The following SGCG variants were observed in gnomAD, a reference collection of about 807,000 sequenced individuals.
SGCG encodes gamma-sarcoglycan.
Under a neutral mutation model 29.3 loss-of-function variants are expected in SGCG, and 26 were observed. The ratio of observed to expected loss-of-function variants is 0.89; its 90% confidence interval spans 0.65 to 1.23. The LOEUF is 1.23. Among genes scored for constraint, SGCG ranks in the 50% most tolerant of loss-of-function variants. SGCG has a pLI of 0.00. For missense variants in SGCG, 353 were observed against 356.0 expected (o/e 0.99, Z 0.07); for synonymous variants, 145 against 129.7 (o/e 1.12, Z -0.80).
At chr13:23,320,542 C>G in intron 6 of SGCG, 95 bp from the exon 7 acceptor site, 2 of 1,010,800 alleles carry the variant, frequency 2.0e-6, no homozygotes, top group Non-Finnish European at 3.0e-6. Context: ...ACATATCTTA[C>G]TAGTTATATT....
intron 6 of SGCG, among the ~76,000 whole-genome samples, chr13:23,311,766 A>G (rs1451168412): frequency 6.6e-6 from 1 of 152,222 alleles, no homozygotes; most frequent in African/African-American, 2.4e-5. Flanking sequence ...CACTTTCAAC[A>G]TATTTTCAGT....
At chr13:23,222,696 C>T (rs1032076845) in intron 2 of SGCG, among the ~76,000 whole-genome samples, 13 of 151,832 alleles carry the variant, frequency 8.6e-5, no homozygotes, top group African/African-American at 2.9e-4. Flanking sequence ...GCGTAGATGG[C>T]GTGTGCCTGT....
intron 4 of SGCG, among the ~76,000 whole-genome samples, chr13:23,251,344 C>G (rs943317792): frequency 6.6e-6 from 1 of 152,222 alleles, no homozygotes; most frequent in Non-Finnish European, 1.5e-5. Context: ...TTGGGTCAGT[C>G]AGCTATGTAC....
At chr13:23,265,583 A>C (rs1880606964) in intron 4 of SGCG, among the ~76,000 whole-genome samples, 1 of 152,202 alleles carries the variant, frequency 6.6e-6, no homozygotes, top group Non-Finnish European at 1.5e-5. Context: ...TCTCAAAAAA[A>C]ATAAATAAAT....
At chr13:23,254,296 G>T (rs1388064896) in intron 4 of SGCG, among the ~76,000 whole-genome samples, 1 of 152,178 alleles carries the variant, frequency 6.6e-6, no homozygotes. Flanking sequence ...AGATGGAAAT[G>T]AGGACGTTAT....
chr13:23,295,619 C>G, intron 6 of SGCG, 132 bp downstream of exon 6: 1 of 742,118 alleles, frequency 1.3e-6, no homozygotes, highest in Non-Finnish European at 2.4e-6. Flanking sequence ...TCAAGACTTT[C>G]CGCTTATAAC....
At chr13:23,168,012 C>T in the SGCG span, among the ~76,000 whole-genome samples, 34 of 152,194 alleles carry the variant, frequency 2.2e-4, no homozygotes, top group Non-Finnish European at 3.5e-4. Flanking sequence ...GCTGAGATTA[C>T]AGGCATGAGT....
chr13:23,177,568 C>CTTTTTTT (rs71100158), upstream of SGCG, among the ~76,000 whole-genome samples: 7 of 76,384 alleles, frequency 9.2e-5, 1 homozygote, highest in African/African-American at 1.2e-4. Flanking sequence ...TGTGAGCAGG[C>CTTTTTTT]TTTTTTTTTT....
At chr13:23,267,866 A>T (rs1427730443) in intron 4 of SGCG, 1 of 152,258 alleles carries the variant, frequency 6.6e-6, no homozygotes, top group Non-Finnish European at 1.5e-5. Flanking sequence ...GCAACTCAGG[A>T]TCTGAGTATG....
chr13:23,294,818 T>G (rs1172600554), intron 5 of SGCG, among the ~76,000 whole-genome samples: 1 of 152,212 alleles, frequency 6.6e-6, no homozygotes, highest in East Asian at 1.9e-4. Context: ...GGTCTGAGTA[T>G]TAAACAAGTT....
chr13:23,210,032 C>G lies in SGCG; in HGVS notation c.195+6143C>G, dbSNP rs149513888. 9.6e-3 allele frequency among the ~76,000 whole-genome samples: 1,467 copies of G among 152,232 alleles called. 24 individuals carry two copies. The highest frequency in any genetic ancestry group is 0.033 in the African/African-American group (1,367 of 41,548). ...GTACCTGATGACCCATACTCTTGAC[C>G]ATTTATTAACAGAGAAATGGTTAGC... is the stretch of plus-strand genomic sequence containing the variant. On this transcript the variant is annotated intron_variant, in intron 2 of 7. Coordinates refer to ENST00000218867, the MANE Select transcript of SGCG (RefSeq NM_000231.3).
chr13:23,212,637 C>T (rs569354807), intron 2 of SGCG, among the ~76,000 whole-genome samples: 1 of 152,184 alleles, frequency 6.6e-6, no homozygotes, highest in Admixed American at 6.5e-5. Flanking sequence ...AACTGAACCC[C>T]TCAAAGGCAA....
intron 2 of SGCG, among the ~76,000 whole-genome samples, chr13:23,229,325 G>T (rs567646184): frequency 2.0e-5 from 3 of 152,198 alleles, no homozygotes; most frequent in Non-Finnish European, 4.4e-5. Flanking sequence ...GTAATGGGAG[G>T]ATTGCTGGGC....
At chr13:23,209,297 T>A (rs962229630) in intron 2 of SGCG, among the ~76,000 whole-genome samples, 2 of 152,186 alleles carry the variant, frequency 1.3e-5, no homozygotes, top group African/African-American at 4.8e-5. Context: ...TAAAATTAAT[T>A]CATTTTGGAA....
At position 23,203,836 on chromosome 13, in the gene SGCG, G is replaced by C. The variant is rs369936288; in HGVS notation, c.142G>C (p.Val48Leu). 2 of 1,614,000 alleles carry C rather than the reference G, an allele frequency of 1.2e-6. No individual in the cohort carries two copies. Among genetic ancestry groups the C allele is most frequent in the Middle Eastern group, 3.3e-4 (2 of 6,062 alleles). Residue 48 changes from valine (V) to leucine (L), a missense_variant, in exon 2 of 8, where the codon GTT becomes CTT. By Grantham distance (32) the Val-to-Leu change is conservative (BLOSUM62 1). Transcript: ENST00000218867. ...LFVLLLLIILVVNLALTIWIL... is the reference protein window; with the variant it reads ...LFVLLLLIILLVNLALTIWIL... ...TGTTCTTCTTTTACTCATCATCCTCGTTGTGAATTTAGCTCTTACAATTTG... is the reference window on the plus strand; with the variant it reads ...TGTTCTTCTTTTACTCATCATCCTCCTTGTGAATTTAGCTCTTACAATTTG...
intron 3 of SGCG, among the ~76,000 whole-genome samples, chr13:23,247,384 T>C (rs1050634075): frequency 6.6e-6 from 1 of 152,104 alleles, no homozygotes. Context: ...TGGGGTACAA[T>C]GGGATGGGAG....
intron 3 of SGCG, among the ~76,000 whole-genome samples, chr13:23,240,071 C>T (rs990406209): frequency 6.6e-6 from 1 of 152,054 alleles, no homozygotes; most frequent in East Asian, 1.9e-4. Context: ...TAGAAGAAAC[C>T]TACCTTAATT....
chr13:23,276,431 C>CTTTTT lies in SGCG; in HGVS notation c.386-2913_386-2909dup, dbSNP rs71100165. ...CATGAACGCTTTCTTTTTTAGTTTTCTTTTTTTTTTTTTTTTTTTGAGACA... is the reference window on the plus strand; with the variant it reads ...CATGAACGCTTTCTTTTTTAGTTTTCTTTTTTTTTTTTTTTTTTTTTTTTGAGACA... On this transcript the variant is annotated intron_variant, in intron 4 of 7. Coordinates refer to ENST00000218867, the MANE Select transcript of SGCG (RefSeq NM_000231.3). Among the ~76,000 whole-genome samples the CTTTTT allele has an allele frequency of 2.3e-3, 232 of 102,360 alleles. 22 individuals carry two copies. The highest frequency in any genetic ancestry group is 2.6e-3 in the Non-Finnish European group (138 of 53,436). The allele number at this position is 102,360 out of a possible 152,430, so 67.2% of individuals were successfully genotyped here.
chr13:23,317,844 G>A (rs1330473525), intron 6 of SGCG, among the ~76,000 whole-genome samples: 12 of 152,124 alleles, frequency 7.9e-5, no homozygotes, highest in Non-Finnish European at 2.9e-5. Flanking sequence ...CAACTCGATT[G>A]GATTAAAAGA....
Sources: gnomAD v4.1 joint callset for allele counts (sites outside exome capture counted in the v4.1 genomes callset) on GRCh38, gnomAD v4.1.1 for gene constraint, MANE v1.5 for transcripts, NCBI Gene and HGNC (gene_info 2026-07-23, HGNC 2026-07-21) for gene names.